ZNF682: variants seen among roughly 807,000 people sequenced by gnomAD.
The protein encoded by ZNF682 is zinc finger protein 682.
In ZNF682, 29 loss-of-function variants were observed where a neutral mutation model predicts 36.5. The ratio of observed to expected loss-of-function variants is 0.80; its 90% CI spans 0.59 to 1.08. ZNF682 has a LOEUF of 1.08. Ranked by LOEUF, ZNF682 falls within the 50% of genes least tolerant of loss-of-function variation. The probability of loss-of-function intolerance (pLI) is 0.00; values close to 1 mark genes in which losing one functional copy is unlikely to be tolerated. For synonymous variants in ZNF682, 180 were observed against 197.0 expected (o/e 0.91, Z 0.72); for missense variants, 561 against 579.7 (o/e 0.97, Z 0.33).
At chr19:20,008,876 A>G (rs555147031) in intron 3 of ZNF682, among the ~76,000 whole-genome samples, 1 of 152,328 alleles carries the variant, frequency 6.6e-6, no homozygotes, top group South Asian at 2.1e-4. Flanking sequence ...TTGCTTCAAC[A>G]TGAAGCACTC....
intron 1 of ZNF682, among the ~76,000 whole-genome samples, chr19:20,031,810 C>G (rs572641828): frequency 6.6e-6 from 1 of 151,998 alleles, no homozygotes; most frequent in Non-Finnish European, 1.5e-5. Flanking sequence ...GGCGAGGTGG[C>G]GGGTGCCTGT....
intron 3 of ZNF682, among the ~76,000 whole-genome samples, chr19:20,021,017 C>G (rs1373328554): frequency 1.3e-5 from 2 of 152,006 alleles, no homozygotes; most frequent in Non-Finnish European, 2.9e-5. Context: ...TCATAATGCT[C>G]TATATCAGGG....
chr19:20,039,311 C>T (rs1438722797), intron 1 of ZNF682, 32 bp downstream of exon 1: 1 of 1,611,456 alleles, frequency 6.2e-7, no homozygotes, highest in Non-Finnish European at 8.5e-7. Context: ...AGCCCTGCCC[C>T]CACCTCGGGA....
chr19:20,015,662 T>A (rs1328933232), intron 3 of ZNF682: 1 of 386,610 alleles, frequency 2.6e-6, no homozygotes, highest in East Asian at 3.7e-5. Flanking sequence ...ATAAAAAGCA[T>A]ACATTTTTGA....
chr19:20,009,900 G>A (rs2088267867), intron 3 of ZNF682, among the ~76,000 whole-genome samples: 1 of 152,042 alleles, frequency 6.6e-6, no homozygotes, highest in South Asian at 2.1e-4. Context: ...TGCACCTGTA[G>A]TCCTAGCTAC....
Position 20,039,414 on chromosome 19 carries a change from CAG to C in ZNF682, c.-71_-70del, listed in dbSNP as rs1194029294. The C allele has an allele frequency of 6.9e-6, 11 of 1,601,682 alleles. No homozygotes were observed. In the African/African-American group the frequency reaches 1.5e-4, roughly 21 times the overall value. ...ACAGCATCTGCAAGTCAGAGGGCAACAGAGGCTGCGACAGTCACCGGGAACTA... is the reference window on the plus strand; with the variant it reads ...ACAGCATCTGCAAGTCAGAGGGCAACAGGCTGCGACAGTCACCGGGAACTA... On this transcript the variant is annotated 5_prime_UTR_variant, in exon 1 of 4. Coordinates refer to ENST00000397165, the MANE Select transcript of ZNF682 (RefSeq NM_033196.3).
At chr19:20,025,969 T>C (rs1347425115) in intron 1 of ZNF682, among the ~76,000 whole-genome samples, 2 of 152,196 alleles carry the variant, frequency 1.3e-5, no homozygotes, top group Non-Finnish European at 2.9e-5. Context: ...TGAGTTATTC[T>C]GGGCAATTAG....
chr19:20,035,419 T>G (rs1267278169), intron 1 of ZNF682, among the ~76,000 whole-genome samples: 1 of 151,920 alleles, frequency 6.6e-6, no homozygotes, highest in Non-Finnish European at 1.5e-5. Flanking sequence ...AGACACATGG[T>G]TTCACCATGG....
chr19:20,036,477 G>T (rs141856440), intron 1 of ZNF682, among the ~76,000 whole-genome samples: 1,787 of 151,802 alleles, frequency 0.012, 17 homozygotes, highest in South Asian at 0.032. Context: ...GTGGTGACGG[G>T]CACCTGTAAA....
At position 20,018,078 on chromosome 19, in the gene ZNF682, C is replaced by CTTTTTT. The variant is rs71172554; in HGVS notation, c.226+4920_226+4925dup. On this transcript the variant is annotated intron_variant, in intron 3 of 3. Transcript: ENST00000397165. ...GAAATATAGTTAAGATTCTCAAATT[C>CTTTTTT]TTTTTTTTTTTTTTTTTTTTTTTTT... 7.7e-4 allele frequency among the ~76,000 whole-genome samples: 45 copies of CTTTTTT among 58,678 alleles called. 5 individuals carry two copies. Among genetic ancestry groups the CTTTTTT allele is most frequent in the African/African-American group, 1.3e-3 (17 of 13,560 alleles). 38.5% of individuals were successfully genotyped at this position (58,678 alleles called of 152,430 possible). A position where few individuals can be genotyped will look rare whatever the true frequency, so the allele number is the denominator to read the frequency against.
exon 4 of ZNF682, chr19:19,997,104 T>G (rs1484498318): frequency 2.5e-6 from 1 of 394,402 alleles, no homozygotes; most frequent in Non-Finnish European, 4.5e-6. Context: ...GCAGCTCTGC[T>G]ATAAGCCAGT....
chr19:19,998,783 G>A (rs78948475), intron 3 of ZNF682, among the ~76,000 whole-genome samples: 16 of 152,010 alleles, frequency 1.1e-4, no homozygotes, highest in Non-Finnish European at 1.3e-4. Flanking sequence ...AGAGCATCTC[G>A]TAGCATTGGA....
chr19:20,023,141 C>G (rs1451880304), intron 2 of ZNF682, 42 bp from the exon 3 acceptor site: 5 of 1,543,142 alleles, frequency 3.2e-6, no homozygotes, highest in Non-Finnish European at 4.5e-6. Context: ...TGCTGGGATT[C>G]TCCAATTACC....
downstream of ZNF682, among the ~76,000 whole-genome samples, chr19:20,002,249 ATTTTTTTT>A (rs10610980): frequency 1.8e-3 from 234 of 127,372 alleles, 1 homozygote; most frequent in African/African-American, 6.0e-3. Context: ...CCCCTGGCTA[ATTTTTTTT>A]TTTTTTTTTT....
intron 2 of ZNF682, among the ~76,000 whole-genome samples, 166 bp from the exon 3 acceptor site, chr19:20,023,265 A>C (rs1306452204): frequency 6.6e-6 from 1 of 152,142 alleles, no homozygotes; most frequent in Non-Finnish European, 1.5e-5. Flanking sequence ...TTGGGAGGCT[A>C]AAGCAGGCAC....
chr19:20,028,967 G>A lies in ZNF682; in HGVS notation c.4-4591C>T, dbSNP rs903416128. Among the ~76,000 whole-genome samples, 12 of 142,396 alleles carry A rather than the reference G, an allele frequency of 8.4e-5. 1 individual carries two copies. Among genetic ancestry groups the A allele is most frequent in the Admixed American group, 7.5e-4 (10 of 13,276 alleles). The allele number at this position is 142,396 out of a possible 152,430, so 93.4% of individuals were successfully genotyped here. A position where few individuals can be genotyped will look rare whatever the true frequency, so the allele number is the denominator to read the frequency against. On this transcript the variant is annotated intron_variant, in intron 1 of 3. Transcript: ENST00000397165. Reference sequence around the variant, plus strand: ...AAGCCCAGCATTTAAATTTCTTCTTGTTCTATCACTGATTTTTTTTTTTTT... The same window carrying A: ...AAGCCCAGCATTTAAATTTCTTCTTATTCTATCACTGATTTTTTTTTTTTT...
intron 3 of ZNF682, chr19:20,015,373 G>C: frequency 1.0e-6 from 1 of 984,220 alleles, no homozygotes; most frequent in Non-Finnish European, 1.2e-6. Flanking sequence ...TAATTAAATT[G>C]GTAATAAACA....
downstream of ZNF682, among the ~76,000 whole-genome samples, chr19:19,999,803 G>A (rs1464635359): frequency 6.6e-6 from 1 of 152,102 alleles, no homozygotes; most frequent in African/African-American, 2.4e-5. Flanking sequence ...CCAATTGCTG[G>A]GGTTACAGGC....
intron 1 of ZNF682, among the ~76,000 whole-genome samples, chr19:20,036,444 A>C (rs2088529756): frequency 6.6e-6 from 1 of 151,868 alleles, no homozygotes; most frequent in Non-Finnish European, 1.5e-5. Flanking sequence ...GTCTCTACTA[A>C]AAATACAAAA....
Sources: gnomAD v4.1 joint callset for allele counts (sites outside exome capture counted in the v4.1 genomes callset) on GRCh38, gnomAD v4.1.1 for gene constraint, MANE v1.5 for transcripts, NCBI Gene and HGNC (gene_info 2026-07-23, HGNC 2026-07-21) for gene names.